PRDM5: variants seen among roughly 807,000 people sequenced by gnomAD.
PRDM5 encodes the protein PR/SET domain 5.
A neutral mutation model predicts 81.2 loss-of-function variants in PRDM5; 56 were observed. The observed-to-expected ratio is 0.69, with a 90% CI of 0.56 to 0.86. The LOEUF (loss-of-function observed/expected upper bound fraction) is 0.86. Among genes scored for constraint, PRDM5 ranks in the 40% least tolerant of loss-of-function variants. The pLI is 0.00. For missense variants in PRDM5, 697 were observed against 770.1 expected, an observed-to-expected ratio of 0.91 and a Z score of 1.12; for synonymous variants, 267 against 256.4, an observed-to-expected ratio of 1.04 and a Z score of -0.39.
Position 120,692,110 on chromosome 4 carries a change from T to G in PRDM5, c.*3001A>C, listed in dbSNP as rs1734089269. Reference sequence around the variant, plus strand: ...ATATTCATTACTCTAAGATGAGTTTTCATAAGCAACATTTAGATTTGTGAA... The same window carrying G: ...ATATTCATTACTCTAAGATGAGTTTGCATAAGCAACATTTAGATTTGTGAA... On this transcript the variant is annotated 3_prime_UTR_variant, in exon 16 of 16. Coordinates refer to ENST00000264808, the MANE Select transcript of PRDM5 (RefSeq NM_018699.4). The G allele has an allele frequency of 6.6e-6, 1 of 152,114 alleles. No individual in the cohort carries two copies. Among genetic ancestry groups the G allele is most frequent in the South Asian group, 2.1e-4 (1 of 4,822 alleles). 9.4% of individuals were successfully genotyped at this position (152,114 alleles called of 1,614,324 possible). A position where few individuals can be genotyped will look rare whatever the true frequency, so the allele number is the denominator to read the frequency against.
intron 13 of PRDM5, among the ~76,000 whole-genome samples, chr4:120,776,602 T>C (rs1748188692): frequency 6.6e-6 from 1 of 152,194 alleles, no homozygotes; most frequent in East Asian, 1.9e-4. Context: ...ATGTGATAGG[T>C]AGAATCCAGA....
rs370349051 is a variant in PRDM5, at chr4:120,717,942, C to T, written c.1624-7529G>A. Among the ~76,000 whole-genome samples, 33 of 152,194 alleles carry T rather than the reference C, an allele frequency of 2.2e-4. No individual in the cohort carries two copies. The South Asian group carries it at 5.8e-3, about 27-fold the overall frequency. Reference sequence around the variant, plus strand: ...ATGCTTAATAGTTCTCTTTCATGACCGTGATAGCTGACTCTACTGAAATTG... The same window carrying T: ...ATGCTTAATAGTTCTCTTTCATGACTGTGATAGCTGACTCTACTGAAATTG... On this transcript the variant is annotated intron_variant, in intron 14 of 15. Transcript: ENST00000264808.
intron 1 of PRDM5, among the ~76,000 whole-genome samples, chr4:120,910,071 A>T (rs202218223): frequency 1.6e-3 from 2 of 1,262 alleles, no homozygotes; most frequent in African/African-American, 5.5e-3. Context: ...CATATGCTTT[A>T]AAAAAAAAAA....
At chr4:120,799,952 A>G (rs1193894325) in intron 8 of PRDM5, among the ~76,000 whole-genome samples, 3 of 152,240 alleles carry the variant, frequency 2.0e-5, no homozygotes. Flanking sequence ...CTTTTGAGAC[A>G]TAATACTCAC....
chr4:120,869,563 G>A (rs1206910023), intron 2 of PRDM5, among the ~76,000 whole-genome samples: 2 of 152,108 alleles, frequency 1.3e-5, no homozygotes, highest in Non-Finnish European at 2.9e-5. Flanking sequence ...GACACTCATA[G>A]CCTGCCTGTT....
At chr4:120,685,731 G>T (rs1214178729) in intron 1 of PRDM5, among the ~76,000 whole-genome samples, 3 of 152,026 alleles carry the variant, frequency 2.0e-5, no homozygotes, top group Non-Finnish European at 4.4e-5. Flanking sequence ...TATTAAATCT[G>T]TTTTGTTTAA....
chr4:120,830,198 A>C (rs1385654079), intron 3 of PRDM5, among the ~76,000 whole-genome samples: 2 of 152,064 alleles, frequency 1.3e-5, no homozygotes, highest in Non-Finnish European at 2.9e-5. Context: ...CAGTAAGAGG[A>C]CTTTCCCAAC....
intron 2 of PRDM5, among the ~76,000 whole-genome samples, chr4:120,860,517 G>A (rs17051271): frequency 0.061 from 9,302 of 151,634 alleles, 450 homozygotes; most frequent in Middle Eastern, 0.17. Flanking sequence ...ATAGTTTTAC[G>A]AACCTGTTCA....
chr4:120,789,959 G>C (rs17051257), intron 10 of PRDM5, among the ~76,000 whole-genome samples: 4,942 of 152,168 alleles, frequency 0.032, 269 homozygotes, highest in African/African-American at 0.11. Context: ...CAATGCCAGG[G>C]AGCCAACTAC....
intron 2 of PRDM5, among the ~76,000 whole-genome samples, chr4:120,905,352 C>A (rs1047195598): frequency 6.6e-6 from 1 of 152,022 alleles, no homozygotes. Flanking sequence ...GGCTATAGTA[C>A]CCAATTATTT....
At chr4:120,848,727 A>G (rs1758927190) in intron 3 of PRDM5, among the ~76,000 whole-genome samples, 1 of 152,174 alleles carries the variant, frequency 6.6e-6, no homozygotes, top group Admixed American at 6.5e-5. Context: ...TCAATAAGCT[A>G]CAAAATTAAT....
At chr4:120,831,387 C>G (rs780242750) in intron 3 of PRDM5, among the ~76,000 whole-genome samples, 29 of 152,074 alleles carry the variant, frequency 1.9e-4, no homozygotes, top group Non-Finnish European at 4.0e-4. Context: ...GTTCCTACCA[C>G]CTAACTGTCA....
At chr4:120,826,856 C>A (rs1756059376) in intron 3 of PRDM5, among the ~76,000 whole-genome samples, 2 of 152,086 alleles carry the variant, frequency 1.3e-5, no homozygotes, top group South Asian at 4.1e-4. Flanking sequence ...AGGATGAGTC[C>A]AAGGTAATGA....
Position 120,865,957 on chromosome 4 carries a change from T to C in PRDM5, c.178-12417A>G, listed in dbSNP as rs141907925. On this transcript the variant is annotated intron_variant, in intron 2 of 15. Transcript: ENST00000264808. ...AAACTCTTAGATTTGGGGCATGTTA[T>C]GACAATCAATGATCCACCATTTGAA... Among the ~76,000 whole-genome samples, 544 of 152,310 alleles carry C rather than the reference T, an allele frequency of 3.6e-3. 1 individual carries two copies. Among genetic ancestry groups the C allele is most frequent in the African/African-American group, 0.012 (514 of 41,570 alleles).
chr4:120,841,904 C>T (rs1231701351), intron 3 of PRDM5, among the ~76,000 whole-genome samples: 1 of 152,160 alleles, frequency 6.6e-6, no homozygotes, highest in Non-Finnish European at 1.5e-5. Context: ...TGATATAGCC[C>T]AGTTCCAGTA....
intron 2 of PRDM5, among the ~76,000 whole-genome samples, chr4:120,875,948 T>C (rs1022592690): frequency 2.0e-5 from 3 of 152,212 alleles, no homozygotes; most frequent in African/African-American, 7.2e-5. Context: ...TTTGTTCTGC[T>C]AGAATGCTTG....
intron 14 of PRDM5, among the ~76,000 whole-genome samples, chr4:120,715,119 T>G (rs1049065474): frequency 1.3e-5 from 2 of 152,120 alleles, no homozygotes; most frequent in African/African-American, 2.4e-5. Context: ...TTTGTCTCAT[T>G]TTCCCTGACA....
intron 1 of PRDM5, among the ~76,000 whole-genome samples, chr4:120,914,570 G>A (rs1174508958): frequency 6.6e-6 from 1 of 152,140 alleles, no homozygotes; most frequent in African/African-American, 2.4e-5. Flanking sequence ...TGCTAGGGAG[G>A]CCTCAGGAAA....
chr4:120,697,985 AGATT>A (rs1734773892), intron 15 of PRDM5, among the ~76,000 whole-genome samples: 1 of 152,028 alleles, frequency 6.6e-6, no homozygotes, highest in Admixed American at 6.5e-5. Context: ...AAATGTCAAT[AGATT>A]AATATTAATA....
Sources: allele counts gnomAD v4.1 joint callset (sites outside exome capture counted in the v4.1 genomes callset), GRCh38; gene constraint gnomAD v4.1.1; transcripts MANE v1.5; gene names NCBI Gene and HGNC (gene_info 2026-07-23, HGNC 2026-07-21).